Variants in FNBP4 observed in about 807,000 individuals in gnomAD.
FNBP4 encodes formin-binding protein 4.
FNBP4 carries 34 observed loss-of-function variants against 119.3 expected under a neutral mutation model. That is an observed-to-expected ratio of 0.28 (90% CI 0.22 to 0.38). The LOEUF is 0.38. Among genes scored for constraint, FNBP4 ranks in the 10% least tolerant of loss-of-function variants. The pLI, the probability that FNBP4 is intolerant of heterozygous loss-of-function variation, is 1.00. For synonymous variants in FNBP4, 462 were observed against 430.6 expected, an observed-to-expected ratio of 1.07 and a Z score of -0.90; for missense variants, 1,112 against 1,228.9, an observed-to-expected ratio of 0.90 and a Z score of 1.42.
chr11:47,747,660 T>C (rs1437100157), intron 6 of FNBP4, among the ~76,000 whole-genome samples: 1 of 151,928 alleles, frequency 6.6e-6, no homozygotes. Context: ...TAAAGTGAAC[T>C]ATTCCTAGGC....
intron 6 of FNBP4, among the ~76,000 whole-genome samples, chr11:47,749,992 T>G (rs2097598713): frequency 6.6e-6 from 1 of 152,134 alleles, no homozygotes; most frequent in Non-Finnish European, 1.5e-5. Context: ...AATAGAATGA[T>G]TCTATGTGAA....
chr11:47,766,605 T>C lies in FNBP4; in HGVS notation c.220+464A>G, dbSNP rs186095692. Among the ~76,000 whole-genome samples, 12 of 152,330 alleles carry C rather than the reference T, an allele frequency of 7.9e-5. No homozygotes were observed. In the East Asian group the frequency reaches 2.3e-3, roughly 29 times the overall value. Reference sequence around the variant, plus strand: ...TCCATTTCTCCAGCAGTTCTGCTAGTGTGGGGATGCTTACTAGCTGGAATA... The same window carrying C: ...TCCATTTCTCCAGCAGTTCTGCTAGCGTGGGGATGCTTACTAGCTGGAATA... On this transcript the variant is annotated intron_variant, in intron 1 of 16. Transcript: ENST00000263773.
chr11:47,736,514 C>G, intron 9 of FNBP4, 102 bp downstream of exon 9: 1 of 901,602 alleles, frequency 1.1e-6, no homozygotes, highest in Non-Finnish European at 1.6e-6. Context: ...GAGCTGAGAT[C>G]GTGCCACTGC....
chr11:47,738,346 C>T (rs769694431), intron 8 of FNBP4, among the ~76,000 whole-genome samples: 3 of 152,090 alleles, frequency 2.0e-5, no homozygotes, highest in Non-Finnish European at 4.4e-5. Flanking sequence ...GAAGGTGGAT[C>T]ACCTGAGGTC....
At chr11:47,722,290 C>G (rs891432456) in intron 15 of FNBP4, among the ~76,000 whole-genome samples, 1 of 151,728 alleles carries the variant, frequency 6.6e-6, no homozygotes, top group Non-Finnish European at 1.5e-5. Flanking sequence ...CTTTTGTCAC[C>G]CAGGCTGGAA....
At chr11:47,754,413 A>G (rs564725894) in intron 3 of FNBP4, 115 bp downstream of exon 3, 3 of 966,262 alleles carry the variant, frequency 3.1e-6, no homozygotes, top group South Asian at 3.2e-5. Context: ...AGAGTGTTGG[A>G]GGGAGAGGGA....
intron 6 of FNBP4, among the ~76,000 whole-genome samples, 177 bp downstream of exon 6, chr11:47,750,739 T>G (rs1415945212): frequency 1.5e-5 from 2 of 129,964 alleles, no homozygotes; most frequent in African/African-American, 5.9e-5. Context: ...AAAGAAAAAG[T>G]CAAGTGAGTA....
chr11:47,738,965 A>G (rs2097578050), intron 8 of FNBP4, among the ~76,000 whole-genome samples: 1 of 147,580 alleles, frequency 6.8e-6, no homozygotes, highest in African/African-American at 2.5e-5. Context: ...TCAGCCTCCC[A>G]AACCGCTGGG....
At chr11:47,750,381 CAAAAAAAAAAAAAA>C (rs59583797) in intron 6 of FNBP4, among the ~76,000 whole-genome samples, 1 of 24,752 alleles carries the variant, frequency 4.0e-5, no homozygotes, top group East Asian at 1.7e-3. Flanking sequence ...GACTCCATAT[CAAAAAAAAAAAAAA>C]AAAAAAAAAA....
rs114150611 is a variant in FNBP4 at position 47,742,306 on chromosome 11, C to T, written c.1456+1647G>A. On this transcript the variant is annotated intron_variant, in intron 8 of 16. Transcript: ENST00000263773. Reference sequence around the variant, plus strand: ...CCAGCCTGGCCAACATGGTGAAATCCCATTTCCACTAACAACACAAAAACT... The same window carrying T: ...CCAGCCTGGCCAACATGGTGAAATCTCATTTCCACTAACAACACAAAAACT... Among the ~76,000 whole-genome samples, 1,086 of 151,138 alleles carry T rather than the reference C, an allele frequency of 7.2e-3. 13 individuals carry two copies. The highest frequency in any genetic ancestry group is 0.025 in the African/African-American group (1,045 of 41,178).
At chr11:47,728,684 G>A (rs1424286789) in intron 12 of FNBP4, among the ~76,000 whole-genome samples, 1 of 151,832 alleles carries the variant, frequency 6.6e-6, no homozygotes, top group African/African-American at 2.4e-5. Flanking sequence ...CCACATACTC[G>A]TGCTACCAAG....
Position 47,717,290 on chromosome 11 carries a change from T to C in FNBP4, c.*132A>G, listed in dbSNP as rs909501330. On this transcript the variant is annotated 3_prime_UTR_variant, in exon 17 of 17. Coordinates refer to ENST00000263773, the MANE Select transcript of FNBP4 (RefSeq NM_015308.5). ...CACAAAAGTGAAAACTTTGTATGCA[T>C]ACACTCTTGCCCAGGAAATTTATAA... 1 of 639,194 alleles carries C rather than the reference T, an allele frequency of 1.6e-6. No individual in the cohort carries two copies. The highest frequency in any genetic ancestry group is 2.1e-5 in the South Asian group (1 of 47,010). The allele number at this position is 639,194 out of a possible 1,614,324, so 39.6% of individuals were successfully genotyped here.
chr11:47,767,146 T>C lies in FNBP4; in HGVS notation c.143A>G (p.Gln48Arg). The change falls in exon 1 of 17, where the codon CAG becomes CGG. Residue 48 changes from glutamine (Q) to arginine (R), a missense_variant. By Grantham distance (43) the Gln-to-Arg change is conservative (BLOSUM62 1). Transcript: ENST00000263773. ...EPDSTAAVPS[Q>R]PAPSAATTTT... ...GGTCGTCGCCGCCGACGGGGCGGGC[T>C]GGCTGGGGACCGCCGCGGTTGAGTC... The C allele has an allele frequency of 1.3e-6, 2 of 1,545,166 alleles. No individual in the cohort carries two copies. The highest frequency in any genetic ancestry group is 1.7e-6 in the Non-Finnish European group (2 of 1,150,644).
chr11:47,722,842 C>A (rs10838751), intron 15 of FNBP4, 134 bp downstream of exon 15: 419,873 of 991,912 alleles, frequency 0.42, 93,643 homozygotes, highest in South Asian at 0.53. Flanking sequence ...CTGCCCGCCT[C>A]GGCCTCCCAA....
At chr11:47,738,839 C>G (rs2097577711) in intron 8 of FNBP4, among the ~76,000 whole-genome samples, 1 of 129,466 alleles carries the variant, frequency 7.7e-6, no homozygotes, top group Admixed American at 7.9e-5. Context: ...TGCCACCATG[C>G]CCAGGTAATT....
At chr11:47,754,191 A>C (rs2097610768) in intron 3 of FNBP4, among the ~76,000 whole-genome samples, 2 of 147,534 alleles carry the variant, frequency 1.4e-5, no homozygotes, top group African/African-American at 5.0e-5. Flanking sequence ...TGGGCAACAG[A>C]GTGAGATTCT....
At chr11:47,717,985 C>A (rs1002692326) in intron 16 of FNBP4, among the ~76,000 whole-genome samples, 15 of 151,806 alleles carry the variant, frequency 9.9e-5, no homozygotes, top group Non-Finnish European at 1.9e-4. Context: ...GAACTCCCAA[C>A]CTCAGGTGAT....
Position 47,724,793 on chromosome 11 carries a change from AAG to A in FNBP4, c.2009-17_2009-16del, listed in dbSNP as rs745489514. The A allele has an allele frequency of 2.5e-5, 38 of 1,527,282 alleles. No homozygotes were observed. In the African/African-American group the frequency reaches 4.9e-4, roughly 20 times the overall value. The allele number at this position is 1,527,282 out of a possible 1,614,324, so 94.6% of individuals were successfully genotyped here. On this transcript the variant is annotated splice_polypyrimidine_tract_variant and intron_variant, in intron 12 of 16. Coordinates refer to ENST00000263773, the MANE Select transcript of FNBP4 (RefSeq NM_015308.5). ...ACAAAGAGAACCTATGAAAACAGGT[AAG>A]AGTCAGGGAAAAAGCAAGAAAAAAA...
Position 47,744,118 on chromosome 11 carries a change from A to G in FNBP4, c.1291T>C (p.Ser431Pro). 1 of 1,614,084 alleles carries G rather than the reference A, an allele frequency of 6.2e-7. No individual in the cohort carries two copies. Residue 431 changes from serine to proline, a missense_variant, in exon 8 of 17, where the codon TCT (serine) becomes CCT (proline). Physicochemically the swap from Ser to Pro is moderately conservative, Grantham distance 74. This residue lies in a region of FNBP4 where 826 missense variants were observed against 988.8 expected (regional missense o/e 0.84). Coordinates refer to ENST00000263773, the MANE Select transcript of FNBP4 (RefSeq NM_015308.5). ...TGGCTGATATCAGAACGTGGACTAG[A>G]CCCTGACACACTACCATCTCCTTCC... is the stretch of plus-strand genomic sequence containing the variant. ...LEEGDGSVSG[S>P]SPRSDISQPA...
Sources: gnomAD v4.1 joint callset for allele counts (sites outside exome capture counted in the v4.1 genomes callset) on GRCh38, gnomAD v4.1.1 for gene constraint, gnomAD v4.1.1 regional missense constraint, MANE v1.5 for transcripts, NCBI Gene and HGNC (gene_info 2026-07-23, HGNC 2026-07-21) for gene names.